LCA5: variants seen among roughly 807,000 people sequenced by gnomAD.
LCA5 encodes the protein lebercilin LCA5.
A neutral mutation model predicts 53.0 loss-of-function variants in LCA5; 37 were observed. The ratio of observed to expected loss-of-function variants is 0.70; its 90% CI spans 0.54 to 0.92. LCA5 has a LOEUF of 0.92. Among genes scored for constraint, LCA5 ranks in the 40% least tolerant of loss-of-function variants. The pLI, the probability that LCA5 is intolerant of heterozygous loss-of-function variation, is 0.00. For synonymous variants in LCA5, 303 were observed against 282.9 expected (o/e 1.07, Z -0.71); for missense variants, 806 against 790.5 (o/e 1.02, Z -0.23).
At chr6:79,523,744 C>A (rs1437537439) in intron 1 of LCA5, among the ~76,000 whole-genome samples, 1 of 151,952 alleles carries the variant, frequency 6.6e-6, no homozygotes, top group Non-Finnish European at 1.5e-5. Context: ...AGGGGCCCAC[C>A]AACTTTCTAT....
chr6:79,520,029 T>C (rs1766581658), intron 1 of LCA5, among the ~76,000 whole-genome samples: 1 of 152,230 alleles, frequency 6.6e-6, no homozygotes, highest in Admixed American at 6.5e-5. Context: ...CTAGAGTTTT[T>C]TTGGAAAAAC....
chr6:79,491,840 A>G, intron 5 of LCA5, 110 bp from the exon 6 acceptor site: 3 of 855,382 alleles, frequency 3.5e-6, no homozygotes, highest in Non-Finnish European at 5.7e-6. Context: ...ATATACATGT[A>G]CATTTATATG....
intron 2 of LCA5, among the ~76,000 whole-genome samples, chr6:79,516,550 T>C (rs575811457): frequency 1.3e-5 from 2 of 152,108 alleles, no homozygotes; most frequent in East Asian, 3.9e-4. Context: ...ATCCTAAAAC[T>C]CTGAGTATAA....
At chr6:79,504,779 A>G (rs1158201544) in intron 3 of LCA5, among the ~76,000 whole-genome samples, 5 of 152,224 alleles carry the variant, frequency 3.3e-5, no homozygotes, top group African/African-American at 7.2e-5. Context: ...GACTTTAAAA[A>G]GCATGAGACT....
At chr6:79,533,552 G>A (rs1384964766) in intron 1 of LCA5, among the ~76,000 whole-genome samples, 3 of 149,542 alleles carry the variant, frequency 2.0e-5, no homozygotes, top group African/African-American at 7.4e-5. Context: ...TCTAATACTT[G>A]ACATTGTTCA....
intron 3 of LCA5, among the ~76,000 whole-genome samples, chr6:79,503,592 T>C (rs1055326355): frequency 6.6e-6 from 1 of 152,204 alleles, no homozygotes; most frequent in Non-Finnish European, 1.5e-5. Flanking sequence ...ACTTTTAGTA[T>C]ATTTCTCTTT....
rs745875716 is a variant in LCA5, at chr6:79,487,048, C to G, written c.2050G>C (p.Ala684Pro). ...HADDKPAVKA[A>P]DSVEDEIEEV... Reference sequence around the variant, plus strand: ...TCAATTTCATCTTCTACAGAATCAGCTGCTTTTACTGCTGGTTTATCGTCT... The same window carrying G: ...TCAATTTCATCTTCTACAGAATCAGGTGCTTTTACTGCTGGTTTATCGTCT... The change falls in exon 8 of 8, where the codon GCT (alanine) becomes CCT (proline). Residue 684 changes from alanine (A) to proline (P), a missense_variant. Coordinates refer to ENST00000369846, the MANE Select transcript of LCA5 (RefSeq NM_001122769.3). The G allele has an allele frequency of 1.1e-5, 18 of 1,613,618 alleles. No homozygotes were observed. Among genetic ancestry groups the G allele is most frequent in the Non-Finnish European group, 1.5e-5 (18 of 1,179,812 alleles).
chr6:79,488,982 T>A, intron 7 of LCA5, 102 bp downstream of exon 7: 3 of 1,336,104 alleles, frequency 2.2e-6, no homozygotes, highest in Non-Finnish European at 3.2e-6. Flanking sequence ...TTGTTCTACC[T>A]AAGCAATTCA....
At position 79,513,988 on chromosome 6, in the gene LCA5, T is replaced by C. The variant is rs547582201; in HGVS notation, c.191-247A>G. On this transcript the variant is annotated intron_variant, in intron 2 of 7. Transcript: ENST00000369846. The stretch of plus-strand genomic sequence containing the variant: ...TATACGGAATTATTCTACATAGCTT[T>C]AAAAGACAGCAGTATCAGGCTTTAA... Among the ~76,000 whole-genome samples the C allele has an allele frequency of 7.9e-5, 12 of 152,286 alleles. No homozygotes were observed. In the South Asian group the frequency reaches 2.3e-3, roughly 29 times the overall value.
chr6:79,511,073 T>C (rs1239294700), intron 3 of LCA5, among the ~76,000 whole-genome samples: 1 of 149,962 alleles, frequency 6.7e-6, no homozygotes, highest in African/African-American at 2.4e-5. Flanking sequence ...AAAAAGAGAA[T>C]GGAATGGCAG....
intron 6 of LCA5, among the ~76,000 whole-genome samples, chr6:79,490,053 A>G (rs1319519796): frequency 1.3e-5 from 2 of 152,124 alleles, no homozygotes; most frequent in African/African-American, 4.8e-5. Context: ...TTAAAATGGA[A>G]TATCAACAAG....
chr6:79,487,364 A>T lies in LCA5; in HGVS notation c.1734T>A (p.Asp578Glu). ...GTTTTTCCATACTGTTTCTTTGGAA[A>T]TCCAAAAAACTACTTTTTTGACTAA... is the stretch of plus-strand genomic sequence containing the variant. ...NPFSQKSSFLDFQRNSMEKLS... is the reference protein window; with the variant it reads ...NPFSQKSSFLEFQRNSMEKLS... The change falls in exon 8 of 8, where the codon GAT becomes GAA. Residue 578 changes from aspartate to glutamate, a missense_variant. By Grantham distance (45) the Asp-to-Glu change is conservative. Coordinates refer to ENST00000369846, the MANE Select transcript of LCA5 (RefSeq NM_001122769.3). 6.2e-7 allele frequency: 1 copy of T among 1,612,934 alleles called. No individual in the cohort carries two copies. The highest frequency in any genetic ancestry group is 8.5e-7 in the Non-Finnish European group (1 of 1,179,664).
chr6:79,513,965 T>C lies in LCA5; in HGVS notation c.191-224A>G, dbSNP rs528546287. 1.3e-3 allele frequency among the ~76,000 whole-genome samples: 205 copies of C among 152,306 alleles called. 1 individual carries two copies. The highest frequency in any genetic ancestry group is 4.8e-3 in the African/African-American group (200 of 41,568). ...AGAAAAATGATATCCCAATAGTTTA[T>C]ACGGAATTATTCTACATAGCTTTAA... is the stretch of plus-strand genomic sequence containing the variant. On this transcript the variant is annotated intron_variant, in intron 2 of 7. Transcript: ENST00000369846.
Position 79,519,083 on chromosome 6 carries a change from G to A in LCA5, c.-189C>T. 1.5e-6 allele frequency: 1 copy of A among 662,566 alleles called. No homozygotes were observed. Among genetic ancestry groups the A allele is most frequent in the Non-Finnish European group, 2.6e-6 (1 of 381,498 alleles). The allele number at this position is 662,566 out of a possible 1,614,324, so 41.0% of individuals were successfully genotyped here. A position where few individuals can be genotyped will look rare whatever the true frequency, so the allele number is the denominator to read the frequency against. On this transcript the variant is annotated splice_region_variant and 5_prime_UTR_variant, in exon 2 of 8. Transcript: ENST00000369846. ...TGGCATCCAGAAGATAAACTTTTTT[G>A]CCCTGAAATTAAGGAAGGGGAAAGG...
intron 1 of LCA5, among the ~76,000 whole-genome samples, chr6:79,526,400 T>C (rs910297689): frequency 6.6e-6 from 1 of 151,848 alleles, no homozygotes; most frequent in Non-Finnish European, 1.5e-5. Context: ...AAAAATTAGC[T>C]GGGCGAGGTG....
At chr6:79,510,372 CT>C (rs1770380495) in intron 3 of LCA5, among the ~76,000 whole-genome samples, 1 of 152,154 alleles carries the variant, frequency 6.6e-6, no homozygotes, top group Non-Finnish European at 1.5e-5. Flanking sequence ...GAATCATGGA[CT>C]TAAGTGTAAA....
rs774766999 is a variant in LCA5, at chr6:79,487,245, G to T, written c.1853C>A (p.Ser618Tyr). 1.2e-6 allele frequency: 2 copies of T among 1,614,070 alleles called. No homozygotes were observed. Among genetic ancestry groups the T allele is most frequent in the Non-Finnish European group, 1.7e-6 (2 of 1,179,948 alleles). The change falls in exon 8 of 8, where the codon TCC becomes TAC. Residue 618 changes from serine to tyrosine, a missense_variant. Coordinates refer to ENST00000369846, the MANE Select transcript of LCA5 (RefSeq NM_001122769.3). ...LFGASGSSTI[S>Y]SKSSDPNSVA... is the part of the protein sequence containing the mutation. ...AGAATTTGGGTCACTGCTTTTGGAG[G>T]AAATGGTGCTGCTACCACTGGCACC...
chr6:79,505,899 A>C (rs1281928151), intron 3 of LCA5, among the ~76,000 whole-genome samples: 1 of 152,184 alleles, frequency 6.6e-6, no homozygotes, highest in African/African-American at 2.4e-5. Flanking sequence ...AGGGAAGATA[A>C]TGCTGTATCT....
At chr6:79,500,955 T>G (rs938835514) in intron 3 of LCA5, among the ~76,000 whole-genome samples, 4 of 152,176 alleles carry the variant, frequency 2.6e-5, no homozygotes, top group African/African-American at 9.7e-5. Flanking sequence ...TACTTGCTAT[T>G]AGATGTGATC....
Sources: gnomAD v4.1 joint callset for allele counts (sites outside exome capture counted in the v4.1 genomes callset) on GRCh38, gnomAD v4.1.1 for gene constraint, MANE v1.5 for transcripts, NCBI Gene and HGNC (gene_info 2026-07-23, HGNC 2026-07-21) for gene names.